Variants in CDK2AP1 observed in about 807,000 individuals in gnomAD.
The protein encoded by CDK2AP1 is cyclin-dependent kinase 2-associated protein 1.
In CDK2AP1, 10 loss-of-function variants were observed where a neutral mutation model predicts 14.1. The observed-to-expected ratio is 0.71, with a 90% CI of 0.44 to 1.20. The LOEUF (loss-of-function observed/expected upper bound fraction) is 1.20, where lower values mean the gene tolerates loss of function less well. Ranked by LOEUF, CDK2AP1 falls within the 50% of genes most tolerant of loss-of-function variation. The probability of loss-of-function intolerance (pLI) is 0.00; values close to 1 mark genes in which losing one functional copy is unlikely to be tolerated. For missense variants in CDK2AP1, 102 were observed against 149.9 expected, an observed-to-expected ratio of 0.68 and a Z score of 1.67; for synonymous variants, 59 against 59.8, an observed-to-expected ratio of 0.99 and a Z score of 0.06.
At chr12:123,271,463 C>A in intron 1 of CDK2AP1, 101 bp downstream of exon 1, 1 of 546,468 alleles carries the variant, frequency 1.8e-6, no homozygotes, top group Non-Finnish European at 2.3e-6. Context: ...AGCCCCCCGC[C>A]CCCGGCCTCC....
chr12:123,270,915 G>A (rs1566006652), intron 1 of CDK2AP1: 2 of 985,082 alleles, frequency 2.0e-6, no homozygotes, highest in Non-Finnish European at 1.2e-6. Flanking sequence ...TGACCGCATG[G>A]GGTAGCCCCT....
In CDK2AP1 at chr12:123,261,472, G is replaced by A. The variant is rs2048231899; in HGVS notation, c.*264C>T. The stretch of plus-strand genomic sequence containing the variant: ...GGAGGCAAACTACAGTTTGCTGTAA[G>A]ATAACTTTCCGTGCATCTTTTAAAT... On this transcript the variant is annotated 3_prime_UTR_variant, in exon 4 of 4. Transcript: ENST00000261692. 4.9e-6 allele frequency: 2 copies of A among 409,552 alleles called. No individual in the cohort carries two copies. The highest frequency in any genetic ancestry group is 4.1e-5 in the Admixed American group (1 of 24,132). The allele number at this position is 409,552 out of a possible 1,614,324, so 25.4% of individuals were successfully genotyped here.
rs948324824 is a variant in CDK2AP1, at chr12:123,265,006, C to A, written c.280+190G>T. 6.6e-6 allele frequency among the ~76,000 whole-genome samples: 1 copy of A among 152,166 alleles called. No homozygotes were observed. Among genetic ancestry groups the A allele is most frequent in the East Asian group, 1.9e-4 (1 of 5,184 alleles). ...GACCCCTCTGAAGACATCCAGCCCCCCAGGCCCCTCGCTACCAGACCCATC... is the reference window on the plus strand; with the variant it reads ...GACCCCTCTGAAGACATCCAGCCCCACAGGCCCCTCGCTACCAGACCCATC... On this transcript the variant is annotated intron_variant, in intron 3 of 3. Coordinates refer to ENST00000261692, the MANE Select transcript of CDK2AP1 (RefSeq NM_004642.4). The surrounding 1 kb of genome is among the most constrained non-coding windows in gnomAD (Gnocchi z 5.3).
chr12:123,271,334 G>A (rs908920154), intron 1 of CDK2AP1, among the ~76,000 whole-genome samples: 33 of 146,784 alleles, frequency 2.2e-4, no homozygotes, highest in African/African-American at 7.6e-4. Flanking sequence ...GGGTCACCCC[G>A]GGCCGCCCGC....
chr12:123,263,574 C>T (rs1326950103), intron 3 of CDK2AP1, among the ~76,000 whole-genome samples: 1 of 152,208 alleles, frequency 6.6e-6, no homozygotes, highest in East Asian at 1.9e-4. Context: ...ACCCAACTCT[C>T]CAGGCGAGAC....
intron 3 of CDK2AP1, 99 bp from the exon 4 acceptor site, chr12:123,261,902 C>CCACAGGGTGGACA: frequency 1.2e-6 from 1 of 825,868 alleles, no homozygotes; most frequent in Non-Finnish European, 2.1e-6. Context: ...CACAGCCTGT[C>CCACAGGGTGGACA]CACAAAACCC....
chr12:123,267,150 G>A (rs2048305671), intron 2 of CDK2AP1, 35 bp downstream of exon 2: 1 of 1,177,066 alleles, frequency 8.5e-7, no homozygotes, highest in Non-Finnish European at 1.3e-6. Context: ...TCTCCCCCTG[G>A]CCCTCCCACC....
At chr12:123,270,113 G>A (rs1170441491) in intron 1 of CDK2AP1, 8 of 560,678 alleles carry the variant, frequency 1.4e-5, no homozygotes, top group Non-Finnish European at 1.8e-5. Context: ...GCCTTGCCCA[G>A]GCTGGCAACA....
rs1334712347 is a variant in CDK2AP1 at position 123,271,759 on chromosome 12, C to A, written c.-141G>T. On this transcript the variant is annotated 5_prime_UTR_variant, in exon 1 of 4. Coordinates refer to ENST00000261692, the MANE Select transcript of CDK2AP1 (RefSeq NM_004642.4). ...GCGCCCGCGCACTTTTTGTTGTCGG[C>A]GGCTCGGGCCGCGCCGGCAAATATG... 2 of 164,394 alleles carry A rather than the reference C, an allele frequency of 1.2e-5. No homozygotes were observed. Among genetic ancestry groups the A allele is most frequent in the African/African-American group, 2.4e-5 (1 of 41,170 alleles). 10.2% of individuals were successfully genotyped at this position (164,394 alleles called of 1,614,324 possible).
In CDK2AP1 at chr12:123,265,502, C is replaced by CG. The variant is rs565184982; in HGVS notation, c.154-181dup. On this transcript the variant is annotated intron_variant, in intron 2 of 3. Coordinates refer to ENST00000261692, the MANE Select transcript of CDK2AP1 (RefSeq NM_004642.4). The surrounding 1 kb of genome is among the most constrained non-coding windows in gnomAD (Gnocchi z 5.3). ...TGGGCAACAGAGCGAGACTCCATCTCGGGGGAAAAAAAAAAAAAAGGGTTC... is the reference window on the plus strand; with the variant it reads ...TGGGCAACAGAGCGAGACTCCATCTCGGGGGGAAAAAAAAAAAAAAGGGTTC... 1.3e-3 allele frequency among the ~76,000 whole-genome samples: 131 copies of CG among 98,090 alleles called. 1 individual carries two copies. Among genetic ancestry groups the CG allele is most frequent in the African/African-American group, 3.2e-3 (119 of 37,246 alleles). 64.4% of individuals were successfully genotyped at this position (98,090 alleles called of 152,430 possible).
At position 123,271,606 on chromosome 12, in the gene CDK2AP1, G is replaced by T; in HGVS notation, c.13C>A (p.Pro5Thr). The T allele has an allele frequency of 1.0e-6, 1 of 1,004,378 alleles. No homozygotes were observed. Among genetic ancestry groups the T allele is most frequent in the Non-Finnish European group, 1.2e-6 (1 of 842,886 alleles). 62.2% of individuals were successfully genotyped at this position (1,004,378 alleles called of 1,614,324 possible). The change falls in exon 1 of 4, where the codon CCG becomes ACG. Residue 5 changes from proline (P) to threonine (T), a missense_variant. Pro to Thr is a conservative substitution (Grantham distance 38). Coordinates refer to ENST00000261692, the MANE Select transcript of CDK2AP1 (RefSeq NM_004642.4). The part of the protein sequence containing the change: MSYK[P>T]NLAAHMPAAA... Reference sequence around the variant, plus strand: ...GCGGGCATGTGCGCGGCCAAGTTCGGTTTGTAAGACATCCCCCCGGGCGGC... The same window carrying T: ...GCGGGCATGTGCGCGGCCAAGTTCGTTTTGTAAGACATCCCCCCGGGCGGC...
chr12:123,265,424 AC>A lies in CDK2AP1; in HGVS notation c.154-103del. On this transcript the variant is annotated intron_variant, in intron 2 of 3. Transcript: ENST00000261692. This position sits in a 1 kb window ranked among gnomAD's most constrained non-coding sequence, Gnocchi z 5.3. ...AGGCTGAGGCAGGAGAACTGCTTGG[AC>A]CCAGGAGGTGGAAGTTGCAGTGAGC... 1 of 1,151,252 alleles carries A rather than the reference AC, an allele frequency of 8.7e-7. No individual in the cohort carries two copies. Among genetic ancestry groups the A allele is most frequent in the Non-Finnish European group, 1.3e-6 (1 of 784,364 alleles). 71.3% of individuals were successfully genotyped at this position (1,151,252 alleles called of 1,614,324 possible). A position where few individuals can be genotyped will look rare whatever the true frequency, so the allele number is the denominator to read the frequency against.
At chr12:123,267,361 C>T in intron 1 of CDK2AP1, 79 bp from the exon 2 acceptor site, 1 of 845,788 alleles carries the variant, frequency 1.2e-6, no homozygotes, top group Non-Finnish European at 2.1e-6. Flanking sequence ...CTGCAACAGC[C>T]CTTGCCCAGG....
At chr12:123,266,090 C>A (rs1026600863) in intron 2 of CDK2AP1, among the ~76,000 whole-genome samples, 1 of 152,366 alleles carries the variant, frequency 6.6e-6, no homozygotes, top group Non-Finnish European at 1.5e-5. Flanking sequence ...CAAGCCCAGG[C>A]TACCTCCCCT....
chr12:123,264,899 G>A (rs1369137941), intron 3 of CDK2AP1, among the ~76,000 whole-genome samples: 2 of 152,046 alleles, frequency 1.3e-5, no homozygotes, highest in Non-Finnish European at 2.9e-5. Context: ...GGGGCACTTC[G>A]AACACACCCT....
chr12:123,269,807 G>A (rs1407628793), intron 1 of CDK2AP1, among the ~76,000 whole-genome samples: 1 of 152,180 alleles, frequency 6.6e-6, no homozygotes, highest in African/African-American at 2.4e-5. Flanking sequence ...AAGGAAGCCG[G>A]AGGAGCAGCG....
chr12:123,263,209 T>A (rs1271575183), intron 3 of CDK2AP1, among the ~76,000 whole-genome samples: 5 of 118,588 alleles, frequency 4.2e-5, no homozygotes, highest in Admixed American at 9.1e-5. Context: ...AGACTCTGTC[T>A]CAAAAAAAAA....
chr12:123,263,541 T>C (rs1322400839), intron 3 of CDK2AP1, among the ~76,000 whole-genome samples: 1 of 152,196 alleles, frequency 6.6e-6, no homozygotes, highest in Admixed American at 6.5e-5. Context: ...GCACCCCAGC[T>C]ACCGGAGAGC....
intron 1 of CDK2AP1, among the ~76,000 whole-genome samples, chr12:123,269,817 G>A (rs775034702): frequency 6.6e-6 from 1 of 152,164 alleles, no homozygotes; most frequent in Non-Finnish European, 1.5e-5. Flanking sequence ...GAGGAGCAGC[G>A]GCGGCAGCGG....
Sources: gnomAD v4.1 joint callset for allele counts (sites outside exome capture counted in the v4.1 genomes callset) on GRCh38, gnomAD v4.1.1 for gene constraint, Gnocchi (gnomAD v3.1) non-coding constraint, MANE v1.5 for transcripts, NCBI Gene and HGNC (gene_info 2026-07-23, HGNC 2026-07-21) for gene names.